Variants in NBAS observed in about 807,000 individuals in gnomAD.
The protein encoded by NBAS is NAG/BC035112 fusion.
In NBAS, 219 loss-of-function variants were observed where a neutral mutation model predicts 302.5. That is an observed-to-expected ratio of 0.72 (90% confidence interval 0.65 to 0.81). The LOEUF is 0.81. NBAS is among the 30% of genes least tolerant of loss of function. NBAS has a pLI of 0.00. For synonymous variants in NBAS, 1,118 were observed against 1,021.6 expected (o/e 1.09, Z -1.80); for missense variants, 2,932 against 2,841.6 (o/e 1.03, Z -0.72).
chr2:15,052,708 C>T, the NBAS span, among the ~76,000 whole-genome samples: 1 of 152,106 alleles, frequency 6.6e-6, no homozygotes, highest in Non-Finnish European at 1.5e-5. Context: ...TAAAAATTTG[C>T]AATATGTATA....
chr2:14,875,894 C>T, the NBAS span, among the ~76,000 whole-genome samples: 1 of 152,158 alleles, frequency 6.6e-6, no homozygotes. Flanking sequence ...TCAATGGCTG[C>T]GTATCATGAG....
chr2:15,536,773 G>A lies in NBAS; in HGVS notation c.514-222C>T, dbSNP rs561941159. Among the ~76,000 whole-genome samples, 3 of 152,186 alleles carry A rather than the reference G, an allele frequency of 2.0e-5. No homozygotes were observed. The East Asian group carries it at 5.8e-4, about 29-fold the overall frequency. On this transcript the variant is annotated intron_variant, in intron 7 of 51. Transcript: ENST00000281513. ...TCAGACCCAGGCTGAAACCACAGCA[G>A]CCCCTTTGAAGAAGATGTTCACCTA...
intron 25 of NBAS, among the ~76,000 whole-genome samples, chr2:15,406,116 C>CAAAAAAAAAAAAAAAAAAAAAAAAAAAAA: frequency 7.4e-6 from 1 of 134,528 alleles, no homozygotes; most frequent in Non-Finnish European, 1.6e-5. Flanking sequence ...AAAAAAAAAA[C>CAAAAAAAAAAAAAAAAAAAAAAAAAAAAA]AAAACAAAAA....
chr2:14,955,912 C>A, the NBAS span, among the ~76,000 whole-genome samples: 2 of 152,222 alleles, frequency 1.3e-5, no homozygotes, highest in African/African-American at 4.8e-5. Flanking sequence ...TGGGGACTAA[C>A]CTTTGGCTCC....
At chr2:14,870,299 T>A in the NBAS span, among the ~76,000 whole-genome samples, 4 of 152,042 alleles carry the variant, frequency 2.6e-5, no homozygotes, top group Non-Finnish European at 5.9e-5. Context: ...GAGAAAAAAA[T>A]TCCAGAGAGC....
At chr2:14,961,411 T>A in the NBAS span, among the ~76,000 whole-genome samples, 12 of 152,030 alleles carry the variant, frequency 7.9e-5, no homozygotes, top group Non-Finnish European at 1.6e-4. Flanking sequence ...GCACTATTAG[T>A]TCCCACAAGA....
chr2:14,873,447 C>G, the NBAS span, among the ~76,000 whole-genome samples: 1 of 152,036 alleles, frequency 6.6e-6, no homozygotes, highest in Non-Finnish European at 1.5e-5. Flanking sequence ...AAACTCCTGA[C>G]CTCAGGTGAT....
intron 23 of NBAS, among the ~76,000 whole-genome samples, chr2:15,421,611 A>G (rs977228498): frequency 6.6e-5 from 10 of 151,840 alleles, no homozygotes; most frequent in Non-Finnish European, 1.3e-4. Flanking sequence ...AATACCTAAC[A>G]TGAAGCCAAA....
chr2:15,001,952 G>C, the NBAS span, among the ~76,000 whole-genome samples: 1 of 152,128 alleles, frequency 6.6e-6, no homozygotes, highest in African/African-American at 2.4e-5. Flanking sequence ...GCTGGCTCGG[G>C]CAGCCTGCTT....
chr2:14,981,643 T>C, the NBAS span, among the ~76,000 whole-genome samples: 5,103 of 152,238 alleles, frequency 0.034, 289 homozygotes, highest in African/African-American at 0.11. Flanking sequence ...TATTCCACAA[T>C]AGGATGGGGC....
chr2:15,557,738 A>G (rs983510640), intron 2 of NBAS, among the ~76,000 whole-genome samples: 15 of 152,008 alleles, frequency 9.9e-5, no homozygotes, highest in Non-Finnish European at 1.9e-4. Context: ...AATGACCTTG[A>G]GCAAGTTTTC....
intron 9 of NBAS, among the ~76,000 whole-genome samples, chr2:15,523,607 T>C (rs1206833227): frequency 1.3e-5 from 2 of 152,090 alleles, no homozygotes; most frequent in East Asian, 1.9e-4. Flanking sequence ...GGAAGGACTG[T>C]GCAAAAATAA....
At chr2:14,829,413 T>C in the NBAS span, among the ~76,000 whole-genome samples, 1 of 152,146 alleles carries the variant, frequency 6.6e-6, no homozygotes, top group Non-Finnish European at 1.5e-5. Context: ...GTATAAAGAA[T>C]ACATAGAACA....
At chr2:15,132,406 G>C in the NBAS span, among the ~76,000 whole-genome samples, 64 of 152,284 alleles carry the variant, frequency 4.2e-4, no homozygotes, top group African/African-American at 1.5e-3. Context: ...GTGGTTTCCA[G>C]GGGTTAAGGG....
At chr2:14,886,930 TAA>T in the NBAS span, among the ~76,000 whole-genome samples, 1 of 152,182 alleles carries the variant, frequency 6.6e-6, no homozygotes, top group African/African-American at 2.4e-5. Context: ...CTACAAAATG[TAA>T]AAGAGTTGAG....
the NBAS span, among the ~76,000 whole-genome samples, chr2:14,898,717 T>C: frequency 7.2e-5 from 11 of 152,334 alleles, no homozygotes; most frequent in African/African-American, 2.6e-4. Context: ...CTGCCATCCA[T>C]ATAAGACCGA....
chr2:15,503,758 A>T lies in NBAS; in HGVS notation c.954+387T>A, dbSNP rs550151393. On this transcript the variant is annotated intron_variant, in intron 11 of 51. Coordinates refer to ENST00000281513, the MANE Select transcript of NBAS (RefSeq NM_015909.4). ...TCAGTAATCTCAGATTTGGGGAAGAATTTTTTTTAATATTAAGCCAAAAAA... is the reference window on the plus strand; with the variant it reads ...TCAGTAATCTCAGATTTGGGGAAGATTTTTTTTTAATATTAAGCCAAAAAA... 1.3e-3 allele frequency among the ~76,000 whole-genome samples: 200 copies of T among 152,160 alleles called. No individual in the cohort carries two copies. In the Middle Eastern group the frequency reaches 0.027, roughly 21 times the overall value.
At chr2:14,896,670 C>T in the NBAS span, among the ~76,000 whole-genome samples, 5 of 152,016 alleles carry the variant, frequency 3.3e-5, no homozygotes, top group African/African-American at 1.2e-4. Flanking sequence ...CAGCTGCTAC[C>T]GCCTTCTTTC....
chr2:15,302,310 G>C (rs941867908), intron 40 of NBAS, among the ~76,000 whole-genome samples: 1 of 152,164 alleles, frequency 6.6e-6, no homozygotes, highest in Admixed American at 6.5e-5. Flanking sequence ...GAAGTCCCTG[G>C]AGAACTAGCT....
Sources: allele counts gnomAD v4.1 joint callset (sites outside exome capture counted in the v4.1 genomes callset), GRCh38; gene constraint gnomAD v4.1.1; transcripts MANE v1.5; gene names NCBI Gene and HGNC (gene_info 2026-07-23, HGNC 2026-07-21).